The following KCNQ5 variants were observed in gnomAD, a reference collection of about 807,000 sequenced individuals.
KCNQ5 encodes the protein potassium voltage-gated channel subfamily KQT member 5.
A neutral mutation model predicts 98.2 loss-of-function variants in KCNQ5; 30 were observed. The observed-to-expected ratio is 0.31, with a 90% CI of 0.23 to 0.41. The LOEUF is 0.41. Ranked by LOEUF, KCNQ5 falls within the 10% of genes least tolerant of loss-of-function variation. KCNQ5 has a pLI of 1.00. For missense variants in KCNQ5, 835 were observed against 1,182.5 expected, an observed-to-expected ratio of 0.71 and a Z score of 4.31; for synonymous variants, 458 against 449.4, an observed-to-expected ratio of 1.02 and a Z score of -0.24.
intron 1 of KCNQ5, among the ~76,000 whole-genome samples, chr6:72,809,990 G>A (rs1775164963): frequency 2.0e-5 from 3 of 151,998 alleles, no homozygotes; most frequent in Non-Finnish European, 4.4e-5. Flanking sequence ...ACTTTTAATG[G>A]GCCCTGAATG....
At chr6:73,044,718 T>C (rs1320177059) in intron 3 of KCNQ5, among the ~76,000 whole-genome samples, 1 of 152,216 alleles carries the variant, frequency 6.6e-6, no homozygotes, top group African/African-American at 2.4e-5. Flanking sequence ...GTGAACACTG[T>C]AGTCGCCTTG....
chr6:73,001,962 A>G (rs1249106862), intron 1 of KCNQ5, among the ~76,000 whole-genome samples: 1 of 150,572 alleles, frequency 6.6e-6, no homozygotes, highest in Non-Finnish European at 1.5e-5. Flanking sequence ...TCTACAAAAA[A>G]TTTTAAAAAA....
chr6:72,733,356 C>A (rs1196801628), intron 1 of KCNQ5, among the ~76,000 whole-genome samples: 1 of 152,140 alleles, frequency 6.6e-6, no homozygotes, highest in Admixed American at 6.5e-5. Context: ...AAAGTAAGAG[C>A]CACCATACTT....
At chr6:72,765,300 C>T (rs927009177) in intron 1 of KCNQ5, among the ~76,000 whole-genome samples, 1 of 151,812 alleles carries the variant, frequency 6.6e-6, no homozygotes, top group Non-Finnish European at 1.5e-5. Flanking sequence ...AGTTTATATT[C>T]TGGTTGTGGG....
At chr6:73,153,656 G>A (rs1390020960) in intron 10 of KCNQ5, among the ~76,000 whole-genome samples, 1 of 151,680 alleles carries the variant, frequency 6.6e-6, no homozygotes, top group Non-Finnish European at 1.5e-5. Context: ...TTCAGAATGT[G>A]GTATTCATAG....
intron 1 of KCNQ5, among the ~76,000 whole-genome samples, chr6:72,834,997 A>G (rs1776438483): frequency 6.6e-6 from 1 of 152,144 alleles, no homozygotes; most frequent in Admixed American, 6.6e-5. Context: ...AATTTTATAA[A>G]TGTTTTACTT....
intron 1 of KCNQ5, among the ~76,000 whole-genome samples, chr6:72,726,205 TA>T (rs145136775): frequency 7.7e-6 from 1 of 130,066 alleles, no homozygotes; most frequent in South Asian, 2.4e-4. Context: ...TTTTTAAATT[TA>T]AATTTTTTTT....
intron 1 of KCNQ5, among the ~76,000 whole-genome samples, chr6:72,632,452 C>CT (rs1377016152): frequency 6.6e-6 from 1 of 151,290 alleles, no homozygotes; most frequent in Admixed American, 6.6e-5. Flanking sequence ...GTTTTTTTTT[C>CT]TTTTTTTAAA....
At chr6:73,173,055 T>A (rs184001412) in intron 11 of KCNQ5, among the ~76,000 whole-genome samples, 1 of 152,220 alleles carries the variant, frequency 6.6e-6, no homozygotes, top group African/African-American at 2.4e-5. Context: ...TGACACTTTT[T>A]AAAAAATAAA....
intron 2 of KCNQ5, among the ~76,000 whole-genome samples, chr6:73,025,830 T>A (rs1032861157): frequency 2.0e-5 from 3 of 152,148 alleles, no homozygotes; most frequent in Non-Finnish European, 4.4e-5. Context: ...ACTTGTCCGT[T>A]CATGGCCACG....
At chr6:72,772,388 G>A (rs1772943529) in intron 1 of KCNQ5, among the ~76,000 whole-genome samples, 1 of 152,130 alleles carries the variant, frequency 6.6e-6, no homozygotes, top group Non-Finnish European at 1.5e-5. Flanking sequence ...GTTTTAGAGA[G>A]TGGACAGCAG....
At chr6:72,914,984 C>A (rs1322598272) in intron 1 of KCNQ5, among the ~76,000 whole-genome samples, 1 of 151,942 alleles carries the variant, frequency 6.6e-6, no homozygotes, top group East Asian at 1.9e-4. Context: ...AGAAGGTTGC[C>A]TTTTCTATGG....
chr6:72,638,524 G>A (rs771624284), intron 1 of KCNQ5, among the ~76,000 whole-genome samples: 2 of 152,110 alleles, frequency 1.3e-5, no homozygotes, highest in African/African-American at 4.8e-5. Flanking sequence ...CCATCACGTT[G>A]TACTGGAGAA....
chr6:73,162,928 G>T (rs1470787729), intron 10 of KCNQ5, among the ~76,000 whole-genome samples: 1 of 152,154 alleles, frequency 6.6e-6, no homozygotes, highest in Non-Finnish European at 1.5e-5. Flanking sequence ...GAGTGAGTGT[G>T]GGGGTGTGTG....
intron 1 of KCNQ5, among the ~76,000 whole-genome samples, chr6:72,924,054 T>C (rs539816060): frequency 3.7e-4 from 57 of 152,222 alleles, no homozygotes; most frequent in African/African-American, 1.4e-3. Context: ...ATGGGTTACA[T>C]GAATAACATT....
intron 10 of KCNQ5, chr6:73,135,945 G>A (rs972557913): frequency 2.0e-5 from 3 of 152,206 alleles, no homozygotes; most frequent in Non-Finnish European, 4.4e-5. Flanking sequence ...ATTGGATTAG[G>A]AGCCACTCTA....
intron 1 of KCNQ5, among the ~76,000 whole-genome samples, chr6:72,964,210 T>C (rs1767502693): frequency 6.6e-6 from 1 of 152,232 alleles, no homozygotes; most frequent in Non-Finnish European, 1.5e-5. Flanking sequence ...TGTGCCCTGA[T>C]AGACTTTTAA....
chr6:72,693,515 C>T (rs1009460500), intron 1 of KCNQ5, among the ~76,000 whole-genome samples: 21 of 151,742 alleles, frequency 1.4e-4, no homozygotes, highest in African/African-American at 4.8e-4. Flanking sequence ...TTTAGCAGGG[C>T]AAGGGAGTAA....
chr6:72,768,324 GA>G (rs1206103804), intron 1 of KCNQ5, among the ~76,000 whole-genome samples: 2 of 151,924 alleles, frequency 1.3e-5, no homozygotes, highest in African/African-American at 4.8e-5. Context: ...TGGAGTTGAG[GA>G]GGGAAGTCGA....
Sources: gnomAD v4.1 joint callset for allele counts (sites outside exome capture counted in the v4.1 genomes callset) on GRCh38, gnomAD v4.1.1 for gene constraint, MANE v1.5 for transcripts, NCBI Gene and HGNC (gene_info 2026-07-23, HGNC 2026-07-21) for gene names.